Variants in CSNK1G1 observed in about 807,000 individuals in gnomAD.
The protein encoded by CSNK1G1 is casein kinase 1 gamma 1, also known as casein kinase I isoform gamma-1.
In CSNK1G1, 22 loss-of-function variants were observed where a neutral mutation model predicts 59.6. The observed-to-expected ratio is 0.37, with a 90% CI of 0.26 to 0.53. CSNK1G1 has a LOEUF of 0.53. Ranked by LOEUF, CSNK1G1 falls within the 20% of genes least tolerant of loss-of-function variation. The probability of loss-of-function intolerance (pLI) is 0.89; values close to 1 mark genes in which losing one functional copy is unlikely to be tolerated. For missense variants in CSNK1G1, 384 were observed against 519.5 expected, an observed-to-expected ratio of 0.74 and a Z score of 2.54; for synonymous variants, 179 against 177.1, an observed-to-expected ratio of 1.01 and a Z score of -0.08.
At position 64,166,046 on chromosome 15, in the gene CSNK1G1, G is replaced by T; in HGVS notation, c.*5885C>A. ...AATTTCATTTTCACAGCTGAGCTTTGTGACCAGTGCCAGGGTTTATGAAAC... is the reference window on the plus strand; with the variant it reads ...AATTTCATTTTCACAGCTGAGCTTTTTGACCAGTGCCAGGGTTTATGAAAC... On this transcript the variant is annotated 3_prime_UTR_variant, in exon 12 of 12. Coordinates refer to ENST00000303052, the MANE Select transcript of CSNK1G1 (RefSeq NM_022048.5). The surrounding 1 kb of genome is among the most constrained non-coding windows in gnomAD (Gnocchi z 4.5). The T allele has an allele frequency of 1.5e-6, 1 of 675,062 alleles. No individual in the cohort carries two copies. 41.8% of individuals were successfully genotyped at this position (675,062 alleles called of 1,614,324 possible). A position where few individuals can be genotyped will look rare whatever the true frequency, so the allele number is the denominator to read the frequency against.
At chr15:64,278,808 A>T (rs1893955207) in intron 2 of CSNK1G1, among the ~76,000 whole-genome samples, 2 of 152,216 alleles carry the variant, frequency 1.3e-5, no homozygotes, top group African/African-American at 4.8e-5. Flanking sequence ...AACTTCATAG[A>T]TCCCACTGAT....
rs1296770717 is a variant in CSNK1G1, at chr15:64,168,926, G to A, written c.*3005C>T. The A allele has an allele frequency of 6.6e-6, 1 of 152,548 alleles. No homozygotes were observed. The highest frequency in any genetic ancestry group is 1.9e-4 in the East Asian group (1 of 5,196). The allele number at this position is 152,548 out of a possible 1,614,324, so 9.4% of individuals were successfully genotyped here. A position where few individuals can be genotyped will look rare whatever the true frequency, so the allele number is the denominator to read the frequency against. ...TGGAGGGATCACCATTACTCTGCAT[G>A]CTAAAGGGACCTGGGATTCTTTACC... On this transcript the variant is annotated 3_prime_UTR_variant, in exon 12 of 12. Coordinates refer to ENST00000303052, the MANE Select transcript of CSNK1G1 (RefSeq NM_022048.5).
chr15:64,195,735 G>A (rs143435446), intron 10 of CSNK1G1, among the ~76,000 whole-genome samples: 1 of 152,270 alleles, frequency 6.6e-6, no homozygotes, highest in Admixed American at 6.5e-5. Flanking sequence ...ATTGTAATAC[G>A]CAGTTCTTTA....
At chr15:64,348,178 G>T (rs1204811602) in intron 1 of CSNK1G1, among the ~76,000 whole-genome samples, 1 of 152,148 alleles carries the variant, frequency 6.6e-6, no homozygotes, top group South Asian at 2.1e-4. Context: ...AGGAGAGGAG[G>T]GATGTGAAGC....
intron 4 of CSNK1G1, among the ~76,000 whole-genome samples, chr15:64,228,465 C>T (rs922474815): frequency 5.3e-5 from 8 of 151,672 alleles, no homozygotes; most frequent in Non-Finnish European, 8.8e-5. Context: ...GGTGAAACCC[C>T]GTCTCACTAA....
At chr15:64,240,723 C>T (rs2082682523) in intron 4 of CSNK1G1, among the ~76,000 whole-genome samples, 1 of 151,918 alleles carries the variant, frequency 6.6e-6, no homozygotes, top group Admixed American at 6.6e-5. Flanking sequence ...AAAGTCTTTC[C>T]CAGACAAGCA....
chr15:64,220,064 G>A (rs972528175), intron 4 of CSNK1G1, among the ~76,000 whole-genome samples: 5 of 149,984 alleles, frequency 3.3e-5, no homozygotes, highest in Admixed American at 6.6e-5. Context: ...GAGCCACCAC[G>A]CCCAGCCTCC....
chr15:64,204,078 G>A (rs140748414), intron 9 of CSNK1G1, among the ~76,000 whole-genome samples: 33 of 151,700 alleles, frequency 2.2e-4, no homozygotes, highest in African/African-American at 8.0e-4. Context: ...AGGAGGCGGA[G>A]GTTGCAGTGA....
At chr15:64,349,199 G>A (rs957521622) in intron 1 of CSNK1G1, among the ~76,000 whole-genome samples, 4 of 151,630 alleles carry the variant, frequency 2.6e-5, no homozygotes, top group Admixed American at 6.6e-5. Flanking sequence ...TCAGGAAGTC[G>A]TAAATACCCC....
intron 3 of CSNK1G1, among the ~76,000 whole-genome samples, chr15:64,257,781 C>T (rs943842038): frequency 6.6e-6 from 1 of 152,128 alleles, no homozygotes; most frequent in Non-Finnish European, 1.5e-5. Flanking sequence ...GCCTTGGCTT[C>T]CTAAAGTGCT....
intron 4 of CSNK1G1, among the ~76,000 whole-genome samples, chr15:64,239,360 G>T (rs887117463): frequency 3.9e-5 from 6 of 151,984 alleles, no homozygotes; most frequent in African/African-American, 1.5e-4. Context: ...TGTTGTTGTT[G>T]TATGTTTTTT....
At chr15:64,276,107 C>G (rs1367003496) in intron 2 of CSNK1G1, among the ~76,000 whole-genome samples, 1 of 152,004 alleles carries the variant, frequency 6.6e-6, no homozygotes, top group Non-Finnish European at 1.5e-5. Flanking sequence ...AAAAGGCAGC[C>G]AGGGCCAAAA....
At chr15:64,242,920 A>T (rs1891547266) in intron 4 of CSNK1G1, among the ~76,000 whole-genome samples, 1 of 152,228 alleles carries the variant, frequency 6.6e-6, no homozygotes, top group Non-Finnish European at 1.5e-5. Flanking sequence ...TGCAAGAATG[A>T]TTCAACATAC....
intron 4 of CSNK1G1, among the ~76,000 whole-genome samples, chr15:64,233,481 A>T (rs1028355854): frequency 1.3e-5 from 2 of 152,168 alleles, no homozygotes; most frequent in African/African-American, 4.8e-5. Context: ...GAATTTAAAG[A>T]GGCAGGGAAG....
intron 2 of CSNK1G1, among the ~76,000 whole-genome samples, chr15:64,263,907 TTC>T (rs1485088331): frequency 6.6e-6 from 1 of 150,626 alleles, no homozygotes; most frequent in Non-Finnish European, 1.5e-5. Context: ...TTTCATAAAC[TTC>T]TACCTATAAT....
Position 64,188,327 on chromosome 15 carries a change from C to G in CSNK1G1, c.1108-7873G>C, listed in dbSNP as rs1212111675. The G allele has an allele frequency of 7.1e-7, 1 of 1,415,942 alleles. No individual in the cohort carries two copies. Among genetic ancestry groups the G allele is most frequent in the Non-Finnish European group, 9.6e-7 (1 of 1,044,154 alleles). The allele number at this position is 1,415,942 out of a possible 1,614,324, so 87.7% of individuals were successfully genotyped here. A position where few individuals can be genotyped will look rare whatever the true frequency, so the allele number is the denominator to read the frequency against. On this transcript the variant is annotated intron_variant, in intron 10 of 11. Transcript: ENST00000303052. This position sits in a 1 kb window ranked among gnomAD's most constrained non-coding sequence, Gnocchi z 4.2. ...GGTTCAGAAGCAAGCCAACATTCCA[C>G]CAGCCAAGCTGGAAAGGCCAGGAAA...
At chr15:64,350,149 AT>A (rs1017402927) in intron 1 of CSNK1G1, among the ~76,000 whole-genome samples, 1 of 152,074 alleles carries the variant, frequency 6.6e-6, no homozygotes, top group Non-Finnish European at 1.5e-5. Context: ...CTTTTTATCA[AT>A]TTTTTAAGCT....
At chr15:64,199,867 A>C (rs926944134) in intron 10 of CSNK1G1, among the ~76,000 whole-genome samples, 5 of 152,134 alleles carry the variant, frequency 3.3e-5, no homozygotes, top group African/African-American at 1.2e-4. Context: ...TAAATAAATA[A>C]ATAAAATTTT....
intron 4 of CSNK1G1, among the ~76,000 whole-genome samples, chr15:64,223,515 T>G (rs2082418237): frequency 6.6e-6 from 1 of 152,200 alleles, no homozygotes; most frequent in African/African-American, 2.4e-5. Flanking sequence ...ATTAATAGTT[T>G]TATAATCTCT....
Sources: gnomAD v4.1 joint callset for allele counts (sites outside exome capture counted in the v4.1 genomes callset) on GRCh38, gnomAD v4.1.1 for gene constraint, Gnocchi (gnomAD v3.1) non-coding constraint, MANE v1.5 for transcripts, NCBI Gene and HGNC (gene_info 2026-07-23, HGNC 2026-07-21) for gene names.